The following TRIM51 variants were observed in gnomAD, a reference collection of about 807,000 sequenced individuals.
The protein encoded by TRIM51 is tripartite motif-containing protein 51.
TRIM51 carries 23 observed loss-of-function variants against 32.7 expected under a neutral mutation model. That is an observed-to-expected ratio of 0.70 (90% CI 0.51 to 1.00). The LOEUF (loss-of-function observed/expected upper bound fraction) is 1.00. Among genes scored for constraint, TRIM51 ranks in the 50% least tolerant of loss-of-function variants. TRIM51 has a pLI of 0.00. For synonymous variants in TRIM51, 177 were observed against 181.9 expected (o/e 0.97, Z 0.22); for missense variants, 592 against 539.2 (o/e 1.10, Z -0.97).
intron 1 of TRIM51, among the ~76,000 whole-genome samples, 162 bp downstream of exon 1, chr11:55,883,546 G>A (rs1854537152): frequency 6.6e-6 from 1 of 151,964 alleles, no homozygotes; most frequent in South Asian, 2.1e-4. Context: ...TGAGGTTATT[G>A]TTGTCATTTT....
In TRIM51 at chr11:55,885,536, G is replaced by T; in HGVS notation, c.108G>T (p.Arg36=). The T allele has an allele frequency of 6.2e-7, 1 of 1,612,008 alleles. No homozygotes were observed. Among genetic ancestry groups the T allele is most frequent in the Non-Finnish European group, 8.5e-7 (1 of 1,179,764 alleles). The change falls in exon 2 of 7, where the codon CGG becomes CGT. Residue 36 remains arginine (R), a synonymous_variant. Coordinates refer to ENST00000449290, the MANE Select transcript of TRIM51 (RefSeq NM_032681.4). ...TAGACTGTGGGCACAGCTTTTGCCG[G>T]CCCTGTTTGTACCTCAACTGGCAAG... is the stretch of plus-strand genomic sequence containing the variant. The part of the protein sequence containing the change: ...VTIDCGHSFC[R]PCLYLNWQDT...
chr11:55,890,922 T>A (rs1454071412), intron 6 of TRIM51, among the ~76,000 whole-genome samples: 1 of 152,166 alleles, frequency 6.6e-6, no homozygotes, highest in East Asian at 1.9e-4. Flanking sequence ...AAGTTTTCAA[T>A]AAATTTTCAA....
intron 6 of TRIM51, 148 bp downstream of exon 6, chr11:55,890,187 CTAT>C (rs2134541509): frequency 1.7e-6 from 1 of 597,014 alleles, no homozygotes; most frequent in East Asian, 2.8e-5. Context: ...ATCTGTGTTT[CTAT>C]TTATAGTCCA....
intron 1 of TRIM51, among the ~76,000 whole-genome samples, chr11:55,884,182 T>TATATATATATATATATATACAC (rs1458218535): frequency 2.1e-4 from 23 of 110,254 alleles, no homozygotes; most frequent in African/African-American, 6.8e-4. Context: ...TATATATATA[T>TATATATATATATATATATACAC]ACACATACCA....
intron 1 of TRIM51, among the ~76,000 whole-genome samples, chr11:55,885,040 T>C (rs1854557515): frequency 6.6e-6 from 1 of 152,118 alleles, no homozygotes; most frequent in Non-Finnish European, 1.5e-5. Context: ...TTACCCAATG[T>C]AGGTTTTCTA....
At position 55,891,511 on chromosome 11, in the gene TRIM51, T is replaced by C. The variant is rs1854650130; in HGVS notation, c.1238T>C (p.Leu413Pro). The C allele has an allele frequency of 1.2e-6, 2 of 1,613,636 alleles. No individual in the cohort carries two copies. The highest frequency in any genetic ancestry group is 1.7e-6 in the Non-Finnish European group (2 of 1,179,738). ...PRPTSTVGLF[L>P]DCEGRTVSFV... is the part of the protein sequence containing the mutation. ...CCTACCAGCACAGTAGGATTATTCCTGGATTGTGAAGGTAGAACCGTGAGC... is the reference window on the plus strand; with the variant it reads ...CCTACCAGCACAGTAGGATTATTCCCGGATTGTGAAGGTAGAACCGTGAGC... The change falls in exon 7 of 7, where the codon CTG becomes CCG. Residue 413 changes from leucine to proline, a missense_variant. Physicochemically the swap from Leu to Pro is moderately conservative, Grantham distance 98. Transcript: ENST00000449290.
rs534709004 is a variant in TRIM51 at position 55,889,970 on chromosome 11, G to T, written c.790G>T (p.Glu264Ter). Residue 264 changes from glutamate to a stop codon, truncating the protein, a stop_gained, in exon 6 of 7, where the codon GAG becomes TAG. Coordinates refer to ENST00000449290, the MANE Select transcript of TRIM51 (RefSeq NM_032681.4). LOFTEE classifies it high-confidence loss of function. ...RYESLLLQVSEPVNPELSAGP... is the reference protein window; with the variant it reads ...RYESLLLQVS ...TGAGTCTCTGCTGCTGCAAGTGTCT[G>T]AGCCTGTGAATCCAGAGCTCAGTGC... The T allele has an allele frequency of 6.2e-7, 1 of 1,613,382 alleles. No homozygotes were observed. The highest frequency in any genetic ancestry group is 1.3e-5 in the African/African-American group (1 of 74,990).
chr11:55,886,908 T>C (rs1345700372), intron 3 of TRIM51, among the ~76,000 whole-genome samples: 1 of 152,164 alleles, frequency 6.6e-6, no homozygotes, highest in Non-Finnish European at 1.5e-5. Context: ...CATTAATTTA[T>C]TCTAATATTC....
Position 55,885,778 on chromosome 11 carries a change from A to C in TRIM51, c.350A>C (p.Asn117Thr). 1 of 1,611,728 alleles carries C rather than the reference A, an allele frequency of 6.2e-7. No homozygotes were observed. Among genetic ancestry groups the C allele is most frequent in the Non-Finnish European group, 8.5e-7 (1 of 1,179,696 alleles). Reference sequence around the variant, plus strand: ...AGCCTGCTCTGTTTGCCGTGCTCCAACTCTCAGGAGCACCGGAATCACATA... The same window carrying C: ...AGCCTGCTCTGTTTGCCGTGCTCCACCTCTCAGGAGCACCGGAATCACATA... ...DKSLLCLPCS[N>T]SQEHRNHIHC... The change falls in exon 2 of 7, where the codon AAC becomes ACC. Residue 117 changes from asparagine to threonine, a missense_variant. Transcript: ENST00000449290.
chr11:55,888,710 A>G (rs1042079398), intron 4 of TRIM51, among the ~76,000 whole-genome samples: 7 of 152,112 alleles, frequency 4.6e-5, no homozygotes, highest in African/African-American at 1.4e-4. Context: ...TAGCTTCTTT[A>G]TGGTTACCAC....
intron 3 of TRIM51, among the ~76,000 whole-genome samples, chr11:55,886,570 C>A (rs1489286094): frequency 6.6e-6 from 1 of 152,126 alleles, no homozygotes; most frequent in Non-Finnish European, 1.5e-5. Flanking sequence ...TCAGGTGACC[C>A]TTCTAAGGCT....
At chr11:55,884,202 A>C (rs1317437233) in intron 1 of TRIM51, among the ~76,000 whole-genome samples, 1 of 75,946 alleles carries the variant, frequency 1.3e-5, no homozygotes, top group Non-Finnish European at 2.8e-5. Context: ...AAAAATACTT[A>C]CAATTGTGGT....
At position 55,891,617 on chromosome 11, in the gene TRIM51, C is replaced by A. The variant is rs773920673; in HGVS notation, c.1344C>A (p.Cys448Ter). Residue 448 changes from cysteine (C) to a stop codon, truncating the protein, a stop_gained, in exon 7 of 7, where the codon TGC becomes TGA. Coordinates refer to ENST00000449290, the MANE Select transcript of TRIM51 (RefSeq NM_032681.4). LOFTEE classifies it high-confidence loss of function. ...SFSPPLRPIF[C>*]CSHF is the part of the protein sequence containing the mutation. ...CACCTCCTCTCAGGCCTATCTTTTGCTGTAGTCACTTCTGACCAGAGAAAA... is the reference window on the plus strand; with the variant it reads ...CACCTCCTCTCAGGCCTATCTTTTGATGTAGTCACTTCTGACCAGAGAAAA... The A allele has an allele frequency of 6.2e-7, 1 of 1,613,140 alleles. No homozygotes were observed. Among genetic ancestry groups the A allele is most frequent in the African/African-American group, 1.3e-5 (1 of 74,882 alleles).
intron 1 of TRIM51, among the ~76,000 whole-genome samples, chr11:55,884,021 T>C (rs1189225521): frequency 6.6e-6 from 1 of 151,644 alleles, no homozygotes; most frequent in Non-Finnish European, 1.5e-5. Flanking sequence ...ATTTTCACTC[T>C]TGGCACTTAA....
intron 1 of TRIM51, 25 bp from the exon 2 acceptor site, chr11:55,885,400 T>C (rs1218257976): frequency 6.2e-7 from 1 of 1,611,404 alleles, no homozygotes; most frequent in Non-Finnish European, 8.5e-7. Flanking sequence ...GACCCCAAAA[T>C]GACATGCTGC....
intron 5 of TRIM51, 128 bp from the exon 6 acceptor site, chr11:55,889,814 T>C (rs1241915071): frequency 7.5e-6 from 5 of 664,840 alleles, no homozygotes; most frequent in African/African-American, 1.8e-5. Context: ...AAAAATAAAA[T>C]GATAATTTTG....
At chr11:55,888,578 C>T (rs1162898520) in intron 4 of TRIM51, among the ~76,000 whole-genome samples, 5 of 152,110 alleles carry the variant, frequency 3.3e-5, no homozygotes. Context: ...AGAAGTGATT[C>T]ATTGGCATTT....
intron 2 of TRIM51, 142 bp downstream of exon 2, chr11:55,885,981 G>C (rs1185439205): frequency 2.0e-6 from 3 of 1,488,660 alleles, no homozygotes; most frequent in African/African-American, 2.8e-5. Context: ...ACACCTCTCA[G>C]ATTTGACAAA....
rs371282705 is a variant in TRIM51, at chr11:55,891,285, T to A, written c.1012T>A (p.Ser338Thr). The A allele has an allele frequency of 1.9e-6, 3 of 1,610,624 alleles. No individual in the cohort carries two copies. The highest frequency in any genetic ancestry group is 1.7e-6 in the Non-Finnish European group (2 of 1,179,752). The change falls in exon 7 of 7, where the codon TCT becomes ACT. Residue 338 changes from serine (S) to threonine (T), a missense_variant. By Grantham distance (58) the Ser-to-Thr change is moderately conservative (BLOSUM62 1). Coordinates refer to ENST00000449290, the MANE Select transcript of TRIM51 (RefSeq NM_032681.4). ...TGTATGGGGGGCTCAGGCTTTCACA[T>A]CTGGCAAATATTATTGGGAGGTTCA... ...FLVWGAQAFT[S>T]GKYYWEVHMG...
Sources: gnomAD v4.1 joint callset for allele counts (sites outside exome capture counted in the v4.1 genomes callset) on GRCh38, gnomAD v4.1.1 for gene constraint, MANE v1.5 for transcripts, NCBI Gene and HGNC (gene_info 2026-07-23, HGNC 2026-07-21) for gene names.